SUCLG2: variants seen among roughly 807,000 people sequenced by gnomAD.
SUCLG2 encodes succinate--CoA ligase [GDP-forming] subunit beta, mitochondrial.
Under a neutral mutation model 47.9 loss-of-function variants are expected in SUCLG2, and 42 were observed. The observed-to-expected ratio is 0.88, with a 90% CI of 0.69 to 1.14. The LOEUF (loss-of-function observed/expected upper bound fraction) is 1.14. Ranked by LOEUF, SUCLG2 falls within the 50% of genes most tolerant of loss-of-function variation. The pLI is 0.00. For synonymous variants in SUCLG2, 195 were observed against 197.3 expected, an observed-to-expected ratio of 0.99 and a Z score of 0.10; for missense variants, 571 against 525.9, an observed-to-expected ratio of 1.09 and a Z score of -0.84.
intron 1 of SUCLG2, among the ~76,000 whole-genome samples, chr3:67,636,065 T>C (rs9867357): frequency 0.096 from 14,648 of 152,154 alleles, 2,360 homozygotes; most frequent in African/African-American, 0.33. Flanking sequence ...CTATTCCACA[T>C]AGCCAGGGAA....
At chr3:67,653,947 C>G (rs1467152753) in intron 1 of SUCLG2, among the ~76,000 whole-genome samples, 1 of 152,166 alleles carries the variant, frequency 6.6e-6, no homozygotes, top group Non-Finnish European at 1.5e-5. Flanking sequence ...GGAGAAAGAT[C>G]GTTTCCCATT....
At chr3:67,459,568 A>C (rs1704274399) in intron 9 of SUCLG2, among the ~76,000 whole-genome samples, 1 of 152,246 alleles carries the variant, frequency 6.6e-6, no homozygotes. Flanking sequence ...ATAATGAAAA[A>C]GAAATTTACC....
intron 9 of SUCLG2, among the ~76,000 whole-genome samples, chr3:67,404,028 G>C (rs1702748743): frequency 6.6e-6 from 1 of 152,172 alleles, no homozygotes; most frequent in Non-Finnish European, 1.5e-5. Flanking sequence ...TGGGACTACA[G>C]GCAGCTGCCA....
intron 2 of SUCLG2, among the ~76,000 whole-genome samples, chr3:67,572,631 C>T (rs1707644162): frequency 6.6e-6 from 1 of 152,166 alleles, no homozygotes; most frequent in Non-Finnish European, 1.5e-5. Context: ...TAGATTCTTA[C>T]TAGCAGGAAG....
At chr3:67,504,663 TC>T (rs139696105) in intron 7 of SUCLG2, among the ~76,000 whole-genome samples, 371 of 152,260 alleles carry the variant, frequency 2.4e-3, no homozygotes, top group African/African-American at 8.7e-3. Context: ...TAGCATAGCC[TC>T]CAAGTTGTGA....
At chr3:67,481,070 TTACA>T (rs1383491581) in intron 9 of SUCLG2, among the ~76,000 whole-genome samples, 1 of 152,230 alleles carries the variant, frequency 6.6e-6, no homozygotes, top group Non-Finnish European at 1.5e-5. Flanking sequence ...GTGCTGCTTC[TTACA>T]TAATCTGTGA....
chr3:67,609,014 A>C (rs1022947261), intron 2 of SUCLG2, among the ~76,000 whole-genome samples: 1 of 152,168 alleles, frequency 6.6e-6, no homozygotes, highest in African/African-American at 2.4e-5. Context: ...AAGTGCCTCC[A>C]GTGAGTGATC....
chr3:67,607,076 C>A (rs1700432320), intron 2 of SUCLG2, among the ~76,000 whole-genome samples: 1 of 152,168 alleles, frequency 6.6e-6, no homozygotes, highest in African/African-American at 2.4e-5. Context: ...TCAACCTGTG[C>A]TACTGATACC....
chr3:67,383,472 TTC>T (rs1403212886), intron 10 of SUCLG2, among the ~76,000 whole-genome samples: 2 of 152,204 alleles, frequency 1.3e-5, no homozygotes, highest in Non-Finnish European at 2.9e-5. Flanking sequence ...ACATAAGATA[TTC>T]TGTGTGGCTG....
chr3:67,503,318 CA>C (rs1002093989), intron 7 of SUCLG2, among the ~76,000 whole-genome samples: 3 of 149,568 alleles, frequency 2.0e-5, no homozygotes, highest in Non-Finnish European at 4.5e-5. Flanking sequence ...ACATGAAAAC[CA>C]AAAAAAAAGT....
At chr3:67,486,236 G>A (rs1705047741) in intron 9 of SUCLG2, among the ~76,000 whole-genome samples, 1 of 152,076 alleles carries the variant, frequency 6.6e-6, no homozygotes. Context: ...CTACACTCCA[G>A]CCTGGGTGAC....
intron 9 of SUCLG2, among the ~76,000 whole-genome samples, chr3:67,475,002 TAA>T (rs141612730): frequency 9.9e-4 from 142 of 142,766 alleles, no homozygotes; most frequent in Admixed American, 1.2e-3. Flanking sequence ...TTTCCTGGTC[TAA>T]AAAAAAAAAA....
chr3:67,562,437 C>A (rs368085008), intron 2 of SUCLG2, among the ~76,000 whole-genome samples: 3 of 152,142 alleles, frequency 2.0e-5, no homozygotes, highest in African/African-American at 4.8e-5. Flanking sequence ...GCCACCATGC[C>A]CAGCTAAATT....
intron 6 of SUCLG2, 70 bp downstream of exon 6, chr3:67,518,177 G>C (rs999688315): frequency 2.4e-6 from 3 of 1,243,444 alleles, no homozygotes; most frequent in Admixed American, 3.9e-5. Flanking sequence ...AAACACTAGA[G>C]GCAATGAAGC....
intron 2 of SUCLG2, among the ~76,000 whole-genome samples, chr3:67,556,138 T>C (rs1707153065): frequency 6.6e-6 from 1 of 152,114 alleles, no homozygotes; most frequent in East Asian, 1.9e-4. Context: ...ATCAAAGAAA[T>C]GTTCCAGAGT....
At chr3:67,526,302 C>CA (rs1237242316) in intron 4 of SUCLG2, among the ~76,000 whole-genome samples, 6 of 151,748 alleles carry the variant, frequency 4.0e-5, no homozygotes, top group East Asian at 1.9e-4. Flanking sequence ...ACTAAAATTG[C>CA]AAAAAAAATC....
At chr3:67,622,607 G>A (rs1392272829) in intron 1 of SUCLG2, among the ~76,000 whole-genome samples, 2 of 152,010 alleles carry the variant, frequency 1.3e-5, no homozygotes, top group Admixed American at 6.5e-5. Context: ...ATTTCATGTA[G>A]TTAATTTAAT....
Position 67,529,088 on chromosome 3 carries a change from CTTTTGTTAA to C in SUCLG2, c.316_324del (p.Leu106_Lys108del). 2.5e-6 allele frequency: 4 copies of C among 1,609,914 alleles called. No homozygotes were observed. In the South Asian group the frequency reaches 3.3e-5, roughly 13 times the overall value. ...AGGAATAACAACCTCCAGACTTACT[CTTTTGTTAA>C]ATGAACACCTCCTTTCAAACCACTA... On this transcript the variant is annotated inframe_deletion and splice_region_variant, in exon 3 of 11. Transcript: ENST00000307227.
At chr3:67,473,562 AAG>A (rs1406338915) in intron 9 of SUCLG2, among the ~76,000 whole-genome samples, 77 of 152,314 alleles carry the variant, frequency 5.1e-4, no homozygotes, top group African/African-American at 1.8e-3. Flanking sequence ...GGCAATCATT[AAG>A]AGTCTTTTGA....
Sources: allele counts gnomAD v4.1 joint callset (sites outside exome capture counted in the v4.1 genomes callset), GRCh38; gene constraint gnomAD v4.1.1; transcripts MANE v1.5; gene names NCBI Gene and HGNC (gene_info 2026-07-23, HGNC 2026-07-21).